The following NUDT2 variants were observed in gnomAD, a reference collection of about 807,000 sequenced individuals.
NUDT2 encodes nudix hydrolase 2.
NUDT2 carries 12 observed loss-of-function variants against 14.2 expected under a neutral mutation model. That is an observed-to-expected ratio of 0.84 (90% CI 0.54 to 1.37). The LOEUF is 1.37. Among genes scored for constraint, NUDT2 ranks in the 40% most tolerant of loss-of-function variants. The pLI is 0.00. For synonymous variants in NUDT2, 67 were observed against 67.4 expected (o/e 0.99, Z 0.03); for missense variants, 167 against 176.7 (o/e 0.95, Z 0.31).
intron 4 of NUDT2, among the ~76,000 whole-genome samples, chr9:34,339,815 C>T (rs1178662863): frequency 6.6e-6 from 1 of 152,136 alleles, no homozygotes; most frequent in Non-Finnish European, 1.5e-5. Flanking sequence ...AGCACTCCAG[C>T]CTGGACAACA....
chr9:34,339,105 T>G lies in NUDT2; in HGVS notation c.66T>G (p.Asn22Lys). 1 of 1,614,134 alleles carries G rather than the reference T, an allele frequency of 6.2e-7. No individual in the cohort carries two copies. The highest frequency in any genetic ancestry group is 8.5e-7 in the Non-Finnish European group (1 of 1,179,982). The change falls in exon 4 of 5, where the codon AAT (asparagine) becomes AAG (lysine). Residue 22 changes from asparagine to lysine, a missense_variant. Coordinates refer to ENST00000379158, the MANE Select transcript of NUDT2 (RefSeq NM_001161.5). The part of the protein sequence containing the change: ...RRCLIPKVDN[N>K]AIEFLLLQAS... ...GCCTCATTCCCAAAGTGGACAACAA[T>G]GCAATTGAGTTTTTACTGCTGCAGG...
chr9:34,332,062 C>T (rs1837955716), intron 1 of NUDT2, among the ~76,000 whole-genome samples: 1 of 152,248 alleles, frequency 6.6e-6, no homozygotes, highest in Non-Finnish European at 1.5e-5. Context: ...GTTAATCTCT[C>T]TGCCTCCAAT....
chr9:34,339,317 G>A, intron 4 of NUDT2, 151 bp downstream of exon 4: 1 of 861,820 alleles, frequency 1.2e-6, no homozygotes, highest in Non-Finnish European at 1.7e-6. Flanking sequence ...TACATACAAG[G>A]TCTCCAGACC....
chr9:34,331,798 C>T (rs1837945868), intron 1 of NUDT2, among the ~76,000 whole-genome samples: 1 of 152,196 alleles, frequency 6.6e-6, no homozygotes, highest in Non-Finnish European at 1.5e-5. Flanking sequence ...GACTATAGCA[C>T]TTCAAATTCA....
intron 1 of NUDT2, among the ~76,000 whole-genome samples, chr9:34,331,668 GA>G (rs1476217554): frequency 2.0e-5 from 3 of 151,992 alleles, no homozygotes; most frequent in African/African-American, 7.2e-5. Flanking sequence ...GAAGGGAGGA[GA>G]AAAAAATTGT....
intron 1 of NUDT2, among the ~76,000 whole-genome samples, chr9:34,330,279 C>A (rs1353598277): frequency 6.6e-6 from 1 of 152,154 alleles, no homozygotes; most frequent in East Asian, 1.9e-4. Context: ...GTGGCGGGCA[C>A]GTATAGTCCC....
chr9:34,329,603 AGT>A lies in NUDT2; in HGVS notation c.-265+5_-265+6del, dbSNP rs1837817700. The A allele has an allele frequency of 6.6e-6, 1 of 152,256 alleles. No homozygotes were observed. The highest frequency in any genetic ancestry group is 1.9e-4 in the East Asian group (1 of 5,206). The allele number at this position is 152,256 out of a possible 1,614,324, so 9.4% of individuals were successfully genotyped here. On this transcript the variant is annotated splice_donor_5th_base_variant and intron_variant, in intron 1 of 4. Coordinates refer to ENST00000379158, the MANE Select transcript of NUDT2 (RefSeq NM_001161.5). ...CTCCTACCTCCTTCTGCTTCGGGTGAGTACCCTTAAGGGCCCACTTGATTTTA... is the reference window on the plus strand; with the variant it reads ...CTCCTACCTCCTTCTGCTTCGGGTGAACCCTTAAGGGCCCACTTGATTTTA...
chr9:34,337,144 C>T (rs570269641), intron 2 of NUDT2, among the ~76,000 whole-genome samples: 6 of 151,866 alleles, frequency 4.0e-5, no homozygotes, highest in South Asian at 2.1e-4. Flanking sequence ...GGATTACAGG[C>T]GTGTGCCATC....
intron 1 of NUDT2, among the ~76,000 whole-genome samples, chr9:34,335,388 A>T (rs562877508): frequency 6.6e-6 from 1 of 152,350 alleles, no homozygotes; most frequent in South Asian, 2.1e-4. Flanking sequence ...ACTTCCAAAG[A>T]TACACAGTGT....
chr9:34,331,316 C>T (rs913474253), intron 1 of NUDT2, among the ~76,000 whole-genome samples: 2 of 152,154 alleles, frequency 1.3e-5, no homozygotes, highest in African/African-American at 4.8e-5. Flanking sequence ...TATTTAGTAC[C>T]TCTGATAATG....
rs1820255431 is a variant in NUDT2 at position 34,343,686 on chromosome 9, C to G, written c.*246C>G. ...TGTACCTTGTACTTTATAAATAAACCTCAAGCAGCTCAAGGTTGTCCTTCT... is the reference window on the plus strand; with the variant it reads ...TGTACCTTGTACTTTATAAATAAACGTCAAGCAGCTCAAGGTTGTCCTTCT... On this transcript the variant is annotated 3_prime_UTR_variant, in exon 5 of 5. Coordinates refer to ENST00000379158, the MANE Select transcript of NUDT2 (RefSeq NM_001161.5). The G allele has an allele frequency of 2.4e-6, 1 of 416,194 alleles. No homozygotes were observed. Among genetic ancestry groups the G allele is most frequent in the Non-Finnish European group, 4.3e-6 (1 of 235,152 alleles). 25.8% of individuals were successfully genotyped at this position (416,194 alleles called of 1,614,324 possible).
Position 34,339,094 on chromosome 9 carries a change from G to A in NUDT2, c.55G>A (p.Val19Met), listed in dbSNP as rs1838171156. Residue 19 changes from valine to methionine, a missense_variant, in exon 4 of 5, where the codon GTG becomes ATG. Val to Met is a conservative substitution (Grantham distance 21). Coordinates refer to ENST00000379158, the MANE Select transcript of NUDT2 (RefSeq NM_001161.5). ...IIFRRCLIPK[V>M]DNNAIEFLLL... ...CTTCCGAAGATGCCTCATTCCCAAA[G>A]TGGACAACAATGCAATTGAGTTTTT... The A allele has an allele frequency of 6.2e-7, 1 of 1,614,130 alleles. No homozygotes were observed. Among genetic ancestry groups the A allele is most frequent in the South Asian group, 1.1e-5 (1 of 91,076 alleles).
intron 1 of NUDT2, among the ~76,000 whole-genome samples, chr9:34,335,021 C>T (rs1407153446): frequency 6.6e-6 from 1 of 152,212 alleles, no homozygotes; most frequent in Non-Finnish European, 1.5e-5. Context: ...TGATCTGGCT[C>T]ACCTTGTTGG....
In NUDT2 at chr9:34,343,246, G is replaced by T; in HGVS notation, c.250G>T (p.Ala84Ser). 1 of 1,614,090 alleles carries T rather than the reference G, an allele frequency of 6.2e-7. No individual in the cohort carries two copies. The highest frequency in any genetic ancestry group is 8.5e-7 in the Non-Finnish European group (1 of 1,180,024). Residue 84 changes from alanine (A) to serine (S), a missense_variant, in exon 5 of 5, where the codon GCC becomes TCC. Ala to Ser is a moderately conservative substitution (Grantham distance 99, BLOSUM62 1). Coordinates refer to ENST00000379158, the MANE Select transcript of NUDT2 (RefSeq NM_001161.5). Reference protein sequence around the residue: ...EGFKRELNYVARNKPKTVIYW... With the variant: ...EGFKRELNYVSRNKPKTVIYW... ...GTTCAAAAGGGAACTCAATTATGTG[G>T]CCAGGAACAAGCCTAAAACAGTCAT...
intron 1 of NUDT2, among the ~76,000 whole-genome samples, chr9:34,335,052 C>A (rs952704452): frequency 1.3e-5 from 2 of 152,186 alleles, no homozygotes; most frequent in Non-Finnish European, 2.9e-5. Flanking sequence ...CACACAGCCC[C>A]CAGCACCCCT....
chr9:34,330,369 C>T (rs1837869403), intron 1 of NUDT2, among the ~76,000 whole-genome samples: 3 of 152,154 alleles, frequency 2.0e-5, no homozygotes, highest in South Asian at 4.1e-4. Context: ...CGCGCCACTG[C>T]ACTCCAGCCT....
Position 34,342,524 on chromosome 9 carries a change from G to T in NUDT2, c.128-600G>T, listed in dbSNP as rs182800035. On this transcript the variant is annotated intron_variant, in intron 4 of 4. Transcript: ENST00000379158. ...ATAAGAAAGCAGACGTCTGAAGAAGGTCATCTCACACCATAAAAGAGCAGT... is the reference window on the plus strand; with the variant it reads ...ATAAGAAAGCAGACGTCTGAAGAAGTTCATCTCACACCATAAAAGAGCAGT... Among the ~76,000 whole-genome samples, 39 of 152,292 alleles carry T rather than the reference G, an allele frequency of 2.6e-4. No individual in the cohort carries two copies. The East Asian group carries it at 6.8e-3, about 26-fold the overall frequency.
chr9:34,343,315 C>T lies in NUDT2; in HGVS notation c.319C>T (p.Leu107Phe). 1 of 1,611,896 alleles carries T rather than the reference C, an allele frequency of 6.2e-7. No individual in the cohort carries two copies. The highest frequency in any genetic ancestry group is 1.7e-4 in the Middle Eastern group (1 of 6,046). ...EVKDYDVEIRLSHEHQAYRWL... is the reference protein window; with the variant it reads ...EVKDYDVEIRFSHEHQAYRWL... ...GAAGGACTATGACGTGGAGATCCGCCTCTCCCATGAGCACCAAGCCTACCG... is the reference window on the plus strand; with the variant it reads ...GAAGGACTATGACGTGGAGATCCGCTTCTCCCATGAGCACCAAGCCTACCG... Residue 107 changes from leucine to phenylalanine, a missense_variant, in exon 5 of 5, where the codon CTC becomes TTC. By Grantham distance (22) the Leu-to-Phe change is conservative. Transcript: ENST00000379158.
At chr9:34,334,129 C>T (rs571184728) in intron 1 of NUDT2, among the ~76,000 whole-genome samples, 134 of 152,270 alleles carry the variant, frequency 8.8e-4, no homozygotes, top group African/African-American at 3.0e-3. Context: ...GGGCTTTTTA[C>T]AGTTACTCTG....
Sources: gnomAD v4.1 joint callset for allele counts (sites outside exome capture counted in the v4.1 genomes callset) on GRCh38, gnomAD v4.1.1 for gene constraint, MANE v1.5 for transcripts, NCBI Gene and HGNC (gene_info 2026-07-23, HGNC 2026-07-21) for gene names.